ESRP1: variants seen among roughly 807,000 people sequenced by gnomAD.
ESRP1 encodes the protein RNA-binding motif protein 35A.
ESRP1 carries 33 observed loss-of-function variants against 81.7 expected under a neutral mutation model. The observed-to-expected ratio is 0.40, with a 90% CI of 0.31 to 0.54. The LOEUF (loss-of-function observed/expected upper bound fraction) is 0.54. ESRP1 is among the 20% of genes least tolerant of loss of function. ESRP1 has a pLI of 0.41. For missense variants in ESRP1, 672 were observed against 833.1 expected (o/e 0.81, Z 2.38); for synonymous variants, 320 against 303.3 (o/e 1.06, Z -0.57).
At chr8:94,692,856 A>T in intron 14 of ESRP1, 29 bp downstream of exon 14, 1 of 1,602,682 alleles carries the variant, frequency 6.2e-7, no homozygotes, top group Non-Finnish European at 8.5e-7. Flanking sequence ...AATAATCCTC[A>T]GTGCCCTTAT....
chr8:94,641,217 CT>C lies in ESRP1; in HGVS notation c.-97del. On this transcript the variant is annotated 5_prime_UTR_variant, in exon 1 of 16. Transcript: ENST00000433389. ...CAAGGAAGGGGGGTGGGCGCTCTTT[CT>C]TTTTCTCTTAGAAGAGGGTTTAGCA... 8.3e-7 allele frequency: 1 copy of C among 1,201,792 alleles called. No individual in the cohort carries two copies. The highest frequency in any genetic ancestry group is 1.1e-6 in the Non-Finnish European group (1 of 875,272). 74.4% of individuals were successfully genotyped at this position (1,201,792 alleles called of 1,614,324 possible).
intron 4 of ESRP1, chr8:94,655,763 C>T (rs1226220779): frequency 1.3e-5 from 2 of 152,082 alleles, no homozygotes; most frequent in Non-Finnish European, 2.9e-5. Flanking sequence ...TAGTGGCATT[C>T]GTCTGTAATA....
intron 15 of ESRP1, among the ~76,000 whole-genome samples, chr8:94,701,306 C>G (rs1226643313): frequency 6.6e-6 from 1 of 150,928 alleles, no homozygotes; most frequent in Non-Finnish European, 1.5e-5. Context: ...AGCGATTGAT[C>G]TCATGGCTGG....
At chr8:94,647,890 C>T (rs996658614) in intron 4 of ESRP1, among the ~76,000 whole-genome samples, 3 of 152,078 alleles carry the variant, frequency 2.0e-5, no homozygotes, top group African/African-American at 7.2e-5. Flanking sequence ...GTCTGTAATA[C>T]CAGCACTTTG....
At chr8:94,675,706 G>A (rs1187376135) in intron 12 of ESRP1, among the ~76,000 whole-genome samples, 1 of 152,180 alleles carries the variant, frequency 6.6e-6, no homozygotes. Context: ...AAAGCATCAT[G>A]TGTGACCCAA....
At position 94,641,977 on chromosome 8, in the gene ESRP1, C is replaced by T; in HGVS notation, c.154C>T (p.Leu52=). The T allele has an allele frequency of 6.2e-7, 1 of 1,613,994 alleles. No homozygotes were observed. The highest frequency in any genetic ancestry group is 8.5e-7 in the Non-Finnish European group (1 of 1,179,872). The change falls in exon 2 of 16, where the codon CTA becomes TTA. Residue 52 remains leucine, a synonymous_variant. Transcript: ENST00000433389. ...GGAGGTGGGACAGTTGCACGAAGTG[C>T]TAGTTAGACCGGATCAGTTGGAACT... ...NKKVGQLHEV[L]VRPDQLELTE... is the part of the protein sequence containing the mutation.
rs577643777 is a variant in ESRP1, at chr8:94,645,727, G to A, written c.376-441G>A. Among the ~76,000 whole-genome samples the A allele has an allele frequency of 2.4e-4, 36 of 152,240 alleles. 1 individual carries two copies. The highest frequency in any genetic ancestry group is 4.1e-4 in the South Asian group (2 of 4,820). On this transcript the variant is annotated intron_variant, in intron 3 of 15. Transcript: ENST00000433389. ...TTATTACTGAAAATATGCATTATTA[G>A]AACCCAATAGTTAGAACTACCCAGT...
chr8:94,685,230 G>A (rs966302653), intron 13 of ESRP1, among the ~76,000 whole-genome samples: 3 of 152,054 alleles, frequency 2.0e-5, no homozygotes, highest in Non-Finnish European at 1.5e-5. Context: ...TGAGTATGTT[G>A]ATGTGGTGGG....
At position 94,643,981 on chromosome 8, in the gene ESRP1, G is replaced by A. The variant is rs144771728; in HGVS notation, c.375+565G>A. Among the ~76,000 whole-genome samples, 74 of 152,280 alleles carry A rather than the reference G, an allele frequency of 4.9e-4. 1 individual carries two copies. The East Asian group carries it at 7.5e-3, about 15-fold the overall frequency. On this transcript the variant is annotated intron_variant, in intron 3 of 15. Coordinates refer to ENST00000433389, the MANE Select transcript of ESRP1 (RefSeq NM_017697.4). ...CCTTATATCTAGTGAAACCACAATC[G>A]TAGCACTCTTCACTTTGTCTGATTT...
chr8:94,678,677 A>G (rs1298622672), intron 13 of ESRP1, among the ~76,000 whole-genome samples: 2 of 152,266 alleles, frequency 1.3e-5, no homozygotes, highest in Non-Finnish European at 2.9e-5. Flanking sequence ...TGGCAATATC[A>G]GATGAATGAA....
intron 1 of ESRP1, 199 bp downstream of exon 1, chr8:94,641,649 A>C: frequency 1.3e-6 from 1 of 783,882 alleles, no homozygotes; most frequent in Non-Finnish European, 2.0e-6. Context: ...AGTCCTCCGC[A>C]ACTTAGCTCA....
chr8:94,689,609 A>AT (rs1241118823), intron 13 of ESRP1, among the ~76,000 whole-genome samples: 4 of 151,560 alleles, frequency 2.6e-5, no homozygotes, highest in African/African-American at 9.7e-5. Flanking sequence ...ATTTTTGCTG[A>AT]TTCTTATTTC....
chr8:94,642,193 C>G, intron 2 of ESRP1, 109 bp downstream of exon 2: 1 of 1,375,242 alleles, frequency 7.3e-7, no homozygotes. Flanking sequence ...TGGCGAGACG[C>G]CTGCCCGGCC....
chr8:94,696,408 G>A (rs1809606871), intron 14 of ESRP1, among the ~76,000 whole-genome samples: 1 of 152,170 alleles, frequency 6.6e-6, no homozygotes, highest in African/African-American at 2.4e-5. Context: ...GAGAGAATTA[G>A]ACTGATATTA....
intron 10 of ESRP1, among the ~76,000 whole-genome samples, chr8:94,671,187 G>A (rs1819302995): frequency 6.6e-6 from 1 of 152,164 alleles, no homozygotes; most frequent in African/African-American, 2.4e-5. Flanking sequence ...GTTGTGTGTG[G>A]TGTACACCTC....
chr8:94,706,001 A>G lies in ESRP1; in HGVS notation c.*112A>G. ...TAGCAAATTCAGGGGAAGTTTGTCTACACTCAGGCTGCAGTATTTTCAGCA... is the reference window on the plus strand; with the variant it reads ...TAGCAAATTCAGGGGAAGTTTGTCTGCACTCAGGCTGCAGTATTTTCAGCA... On this transcript the variant is annotated 3_prime_UTR_variant, in exon 16 of 16. Coordinates refer to ENST00000433389, the MANE Select transcript of ESRP1 (RefSeq NM_017697.4). 6.8e-7 allele frequency: 1 copy of G among 1,477,228 alleles called. No homozygotes were observed. The highest frequency in any genetic ancestry group is 9.1e-7 in the Non-Finnish European group (1 of 1,099,186). The allele number at this position is 1,477,228 out of a possible 1,614,324, so 91.5% of individuals were successfully genotyped here.
chr8:94,678,486 C>A (rs958610786), intron 13 of ESRP1, 115 bp downstream of exon 13: 1 of 1,226,436 alleles, frequency 8.2e-7, no homozygotes, highest in South Asian at 1.6e-5. Context: ...GCGTGGCAGG[C>A]CACAGCCTCT....
chr8:94,669,207 A>G (rs1436651023), intron 10 of ESRP1, among the ~76,000 whole-genome samples: 1 of 152,174 alleles, frequency 6.6e-6, no homozygotes, highest in Non-Finnish European at 1.5e-5. Flanking sequence ...CCAGCTACCA[A>G]TTGAACATGT....
At chr8:94,692,166 A>T (rs755800038) in intron 13 of ESRP1, among the ~76,000 whole-genome samples, 5 of 151,964 alleles carry the variant, frequency 3.3e-5, no homozygotes, top group Non-Finnish European at 7.4e-5. Context: ...ACCCATGGGC[A>T]CTCTAGTACT....
Sources: gnomAD v4.1 joint callset for allele counts (sites outside exome capture counted in the v4.1 genomes callset) on GRCh38, gnomAD v4.1.1 for gene constraint, MANE v1.5 for transcripts, NCBI Gene and HGNC (gene_info 2026-07-23, HGNC 2026-07-21) for gene names.